The following LRRK1 variants were observed in gnomAD, a reference collection of about 807,000 sequenced individuals.
The protein encoded by LRRK1 is leucine-rich repeat serine/threonine-protein kinase 1.
Under a neutral mutation model 209.1 loss-of-function variants are expected in LRRK1, and 113 were observed. The observed-to-expected ratio is 0.54, with a 90% CI of 0.46 to 0.63. The LOEUF (loss-of-function observed/expected upper bound fraction) is 0.63, where lower values mean the gene tolerates loss of function less well. Ranked by LOEUF, LRRK1 falls within the 30% of genes least tolerant of loss-of-function variation. The pLI is 0.00. For missense variants in LRRK1, 2,284 were observed against 2,632.2 expected, an observed-to-expected ratio of 0.87 and a Z score of 2.89; for synonymous variants, 1,144 against 1,099.7, an observed-to-expected ratio of 1.04 and a Z score of -0.80.
At chr15:100,929,065 G>A (rs1286745080) in intron 2 of LRRK1, among the ~76,000 whole-genome samples, 1 of 152,182 alleles carries the variant, frequency 6.6e-6, no homozygotes. Flanking sequence ...GCATTACTTT[G>A]ACAAACATGT....
At chr15:100,995,853 T>G (rs1040591466) in intron 6 of LRRK1, among the ~76,000 whole-genome samples, 1 of 152,158 alleles carries the variant, frequency 6.6e-6, no homozygotes, top group African/African-American at 2.4e-5. Flanking sequence ...CTTTTAAAAG[T>G]CTCTAATGAT....
intron 9 of LRRK1, among the ~76,000 whole-genome samples, chr15:101,011,179 A>C (rs2033219357): frequency 6.6e-6 from 1 of 152,134 alleles, no homozygotes; most frequent in African/African-American, 2.4e-5. Flanking sequence ...CATAAGAGTA[A>C]GAAATCAGGC....
intron 33 of LRRK1, among the ~76,000 whole-genome samples, chr15:101,068,035 C>G (rs1035081879): frequency 6.6e-6 from 1 of 152,134 alleles, no homozygotes; most frequent in Non-Finnish European, 1.5e-5. Flanking sequence ...GCCGCACACA[C>G]GGGACACAGA....
intron 5 of LRRK1, 38 bp from the exon 6 acceptor site, chr15:100,989,212 A>G (rs985222415): frequency 1.6e-5 from 24 of 1,531,156 alleles, no homozygotes; most frequent in Non-Finnish European, 2.0e-5. Context: ...TGACACTAGC[A>G]TCTGCATGCC....
chr15:100,979,650 G>T (rs2031490875), intron 3 of LRRK1, among the ~76,000 whole-genome samples: 1 of 152,124 alleles, frequency 6.6e-6, no homozygotes, highest in Admixed American at 6.5e-5. Flanking sequence ...AAAAGCTACA[G>T]ACTGAGAGAG....
At chr15:100,958,663 C>T (rs1184630368) in intron 2 of LRRK1, among the ~76,000 whole-genome samples, 1 of 152,190 alleles carries the variant, frequency 6.6e-6, no homozygotes. Flanking sequence ...ATAATAGTAG[C>T]TAGCATTTAT....
chr15:101,046,133 T>C lies in LRRK1; in HGVS notation c.3116T>C (p.Leu1039Pro). The stretch of plus-strand genomic sequence containing the variant: ...TTTATAGCACGGATGCTGATCAGCC[T>C]GGCGGAGATGGACCTGCAGGTATTA... ...QRFIARMLISLAEMDLQLFEN... is the reference protein window; with the variant it reads ...QRFIARMLISPAEMDLQLFEN... Residue 1039 changes from leucine to proline, a missense_variant, in exon 21 of 34, where the codon CTG becomes CCG. Leu to Pro is a moderately conservative substitution (Grantham distance 98). Around this residue, in one of 6 missense-constraint regions of LRRK1, gnomAD observed 780 missense variants for 985.2 expected, o/e 0.79. Coordinates refer to ENST00000388948, the MANE Select transcript of LRRK1 (RefSeq NM_024652.6). 1 of 1,614,264 alleles carries C rather than the reference T, an allele frequency of 6.2e-7. No homozygotes were observed. Among genetic ancestry groups the C allele is most frequent in the Non-Finnish European group, 8.5e-7 (1 of 1,180,048 alleles).
At position 101,022,765 on chromosome 15, in the gene LRRK1, G is replaced by A. The variant is rs1350036694; in HGVS notation, c.2067+168G>A. 6.6e-6 allele frequency among the ~76,000 whole-genome samples: 1 copy of A among 152,172 alleles called. No individual in the cohort carries two copies. The highest frequency in any genetic ancestry group is 1.5e-5 in the Non-Finnish European group (1 of 68,024). ...TCCATACCAGCTTCTGCCAAGAGCA[G>A]CGAATCATTTCTTAATGTGACTTTG... On this transcript the variant is annotated intron_variant, in intron 15 of 33. Transcript: ENST00000388948. The surrounding 1 kb of genome is among the most constrained non-coding windows in gnomAD (Gnocchi z 4.0).
intron 2 of LRRK1, among the ~76,000 whole-genome samples, chr15:100,941,975 A>G (rs1188087229): frequency 6.6e-6 from 1 of 152,162 alleles, no homozygotes; most frequent in East Asian, 1.9e-4. Flanking sequence ...GAGCTCTCCC[A>G]AGCCTTCTCC....
intron 6 of LRRK1, among the ~76,000 whole-genome samples, chr15:101,003,024 G>A (rs1306216567): frequency 5.3e-5 from 8 of 152,208 alleles, no homozygotes; most frequent in Non-Finnish European, 1.0e-4. Flanking sequence ...GAGCCACTGC[G>A]CCCAGCCCTG....
chr15:101,050,920 C>T (rs144111803), intron 23 of LRRK1: 1 of 152,456 alleles, frequency 6.6e-6, no homozygotes, highest in African/African-American at 2.4e-5. Context: ...CAGCTCCCCA[C>T]CAGCCAGTGT....
chr15:101,066,147 A>C lies in LRRK1; in HGVS notation c.5710A>C (p.Ser1904Arg), dbSNP rs1359707750. 6.2e-7 allele frequency: 1 copy of C among 1,613,924 alleles called. No homozygotes were observed. The highest frequency in any genetic ancestry group is 8.5e-7 in the Non-Finnish European group (1 of 1,179,976). The change falls in exon 32 of 34, where the codon AGC becomes CGC. Residue 1904 changes from serine (S) to arginine (R), a missense_variant. Around this residue, in one of 6 missense-constraint regions of LRRK1, gnomAD observed 643 missense variants for 695.9 expected, o/e 0.92. Transcript: ENST00000388948. ...GACCCCCATGGACGGGGAGACCTTC[A>C]GCCAGCACCTGCAGGCCGTGAAGAT... ...DLTPMDGETF[S>R]QHLQAVKILA...
At chr15:101,008,217 T>G (rs1030290895) in intron 6 of LRRK1, among the ~76,000 whole-genome samples, 29 of 149,828 alleles carry the variant, frequency 1.9e-4, no homozygotes, top group Non-Finnish European at 3.7e-4. Context: ...CCGGGCTGTT[T>G]GCTATAGATA....
At chr15:101,067,824 C>T (rs1351057385) in intron 33 of LRRK1, among the ~76,000 whole-genome samples, 2 of 152,350 alleles carry the variant, frequency 1.3e-5, no homozygotes, top group African/African-American at 4.8e-5. Context: ...GTGTGCAGCA[C>T]CCAGGTTAGG....
At chr15:101,031,160 G>T (rs773977036) in intron 20 of LRRK1, among the ~76,000 whole-genome samples, 30 of 152,214 alleles carry the variant, frequency 2.0e-4, no homozygotes, top group Non-Finnish European at 3.7e-4. Context: ...GATCGCTAGT[G>T]TTCAAAACAA....
At chr15:101,067,344 C>G in intron 33 of LRRK1, 1 of 455,594 alleles carries the variant, frequency 2.2e-6, no homozygotes, top group Non-Finnish European at 4.4e-6. Flanking sequence ...CTGCAGCTCC[C>G]CACAGTGTTT....
intron 24 of LRRK1, among the ~76,000 whole-genome samples, chr15:101,052,195 G>C (rs61116730): frequency 0.17 from 26,259 of 152,182 alleles, 2,573 homozygotes; most frequent in African/African-American, 0.25. Context: ...AGAGTGCTTT[G>C]CAAGTGCAGC....
At position 101,008,856 on chromosome 15, in the gene LRRK1, C is replaced by T. The variant is rs770982171; in HGVS notation, c.782C>T (p.Ser261Phe). ...CACCAGGCTCTCCGTGTGAAATGGT[C>T]CCATCTCAGACTGCCCTGGGTAGAC... ...PGKTALRVKWSHLRLPWVDLD... is the reference protein window; with the variant it reads ...PGKTALRVKWFHLRLPWVDLD... Residue 261 changes from serine to phenylalanine, a missense_variant, in exon 7 of 34, where the codon TCC (serine) becomes TTC (phenylalanine). By Grantham distance (155) the Ser-to-Phe change is radical. This residue lies in a region of LRRK1 where 494 missense variants were observed against 522.1 expected (regional missense o/e 0.95). Transcript: ENST00000388948. The T allele has an allele frequency of 1.9e-6, 3 of 1,613,796 alleles. No individual in the cohort carries two copies. The Admixed American group carries it at 5.0e-5, about 27-fold the overall frequency.
At chr15:101,062,914 C>T (rs558614645) in intron 31 of LRRK1, among the ~76,000 whole-genome samples, 3 of 152,182 alleles carry the variant, frequency 2.0e-5, no homozygotes, top group South Asian at 4.2e-4. Flanking sequence ...GACTGCAGGC[C>T]GAATGAAAAA....
Sources: allele counts gnomAD v4.1 joint callset (sites outside exome capture counted in the v4.1 genomes callset), GRCh38; gene constraint gnomAD v4.1.1; regional missense constraint gnomAD v4.1.1; non-coding constraint Gnocchi (gnomAD v3.1); transcripts MANE v1.5; gene names NCBI Gene and HGNC (gene_info 2026-07-23, HGNC 2026-07-21).